Variants in TENM4 observed in about 807,000 individuals in gnomAD.
TENM4 encodes teneurin transmembrane protein 4.
TENM4 carries 82 observed loss-of-function variants against 243.3 expected under a neutral mutation model. The ratio of observed to expected loss-of-function variants is 0.34; its 90% CI spans 0.28 to 0.40. The LOEUF (loss-of-function observed/expected upper bound fraction) is 0.40, where lower values mean the gene tolerates loss of function less well. TENM4 is among the 10% of genes least tolerant of loss of function. The pLI is 1.00. For missense variants in TENM4, 3,138 were observed against 3,673.3 expected, an observed-to-expected ratio of 0.85 and a Z score of 3.77; for synonymous variants, 1,412 against 1,456.3, an observed-to-expected ratio of 0.97 and a Z score of 0.69.
At chr11:79,340,470 C>T (rs1340102382) in intron 1 of TENM4, among the ~76,000 whole-genome samples, 1 of 152,162 alleles carries the variant, frequency 6.6e-6, no homozygotes, top group South Asian at 2.1e-4. Flanking sequence ...ACTCTTGAGG[C>T]TGGCTGGACT....
At chr11:79,398,901 G>C (rs899738378) in intron 1 of TENM4, among the ~76,000 whole-genome samples, 2 of 151,936 alleles carry the variant, frequency 1.3e-5, no homozygotes, top group Non-Finnish European at 2.9e-5. Flanking sequence ...TGGAACTGAG[G>C]CTTGAAGAAT....
chr11:79,316,241 T>C (rs993777679), intron 1 of TENM4, among the ~76,000 whole-genome samples: 3 of 150,634 alleles, frequency 2.0e-5, no homozygotes, highest in Non-Finnish European at 4.4e-5. Flanking sequence ...TGAGAACTGA[T>C]ATAAAAAAAA....
intron 27 of TENM4, among the ~76,000 whole-genome samples, chr11:78,706,164 G>A (rs190923485): frequency 1.4e-4 from 22 of 152,268 alleles, no homozygotes; most frequent in African/African-American, 5.1e-4. Context: ...GAAAAGAGAA[G>A]TTGTACTTAT....
chr11:78,823,522 G>A (rs1174158315), intron 12 of TENM4, among the ~76,000 whole-genome samples: 2 of 152,188 alleles, frequency 1.3e-5, no homozygotes, highest in Admixed American at 6.5e-5. Flanking sequence ...GGGCTGGTGA[G>A]GTCCTTAAGG....
In TENM4 at chr11:79,205,693, A is replaced by G. The variant is rs559281912; in HGVS notation, c.-163+10115T>C. ...TAGCATTCCATAGCATGAATGGACC[A>G]CAGTTCACTGTTCACCTGTTGAAGG... On this transcript the variant is annotated intron_variant, in intron 3 of 33. Transcript: ENST00000278550. Among the ~76,000 whole-genome samples the G allele has an allele frequency of 2.0e-5, 3 of 152,374 alleles. No homozygotes were observed. The South Asian group carries it at 6.2e-4, about 32-fold the overall frequency.
chr11:78,658,930 G>GTAGAGCTA, intron 33 of TENM4, 114 bp from the exon 34 acceptor site: 1 of 1,241,996 alleles, frequency 8.1e-7, no homozygotes, highest in Non-Finnish European at 1.1e-6. Flanking sequence ...TTAACCTGCG[G>GTAGAGCTA]CATGTAGCTC....
At chr11:79,283,119 C>T (rs1482151230) in intron 2 of TENM4, among the ~76,000 whole-genome samples, 3 of 151,710 alleles carry the variant, frequency 2.0e-5, no homozygotes, top group East Asian at 3.9e-4. Flanking sequence ...AAAACTCTTA[C>T]AAGAAATACA....
intron 3 of TENM4, among the ~76,000 whole-genome samples, chr11:79,207,437 A>G (rs1863870436): frequency 6.6e-6 from 1 of 152,222 alleles, no homozygotes; most frequent in African/African-American, 2.4e-5. Flanking sequence ...TCAATTATAC[A>G]CATAAAGTTC....
At chr11:79,047,687 T>C (rs2136925197) in intron 6 of TENM4, among the ~76,000 whole-genome samples, 1 of 152,220 alleles carries the variant, frequency 6.6e-6, no homozygotes, top group African/African-American at 2.4e-5. Context: ...CCTAGGGTAG[T>C]GGGAGGATGC....
At chr11:78,995,336 G>A (rs1275233301) in intron 6 of TENM4, among the ~76,000 whole-genome samples, 1 of 152,112 alleles carries the variant, frequency 6.6e-6, no homozygotes, top group African/African-American at 2.4e-5. Context: ...GAGGGCAATG[G>A]GGGAGCCATG....
intron 4 of TENM4, among the ~76,000 whole-genome samples, chr11:79,090,458 G>A (rs1041357334): frequency 1.3e-5 from 2 of 152,260 alleles, no homozygotes; most frequent in African/African-American, 4.8e-5. Flanking sequence ...ATGGCAGCAA[G>A]TGAAGAGGGC....
At chr11:79,043,645 C>T (rs979564267) in intron 6 of TENM4, among the ~76,000 whole-genome samples, 3 of 152,104 alleles carry the variant, frequency 2.0e-5, no homozygotes, top group African/African-American at 7.2e-5. Context: ...AATACAGAAA[C>T]CTTATTTTTG....
In TENM4 at chr11:79,045,197, T is replaced by C. The variant is rs371551324; in HGVS notation, c.493+19541A>G. ...TGGTGAGAAAGTTGGCAGGAGCTGG[T>C]CAGGCAAGAATTGATTTCCTGAGTG... On this transcript the variant is annotated intron_variant, in intron 6 of 33. Transcript: ENST00000278550. 7.9e-5 allele frequency among the ~76,000 whole-genome samples: 12 copies of C among 152,226 alleles called. No individual in the cohort carries two copies. In the East Asian group the frequency reaches 2.3e-3, roughly 29 times the overall value.
chr11:78,752,726 A>G (rs1856218460), intron 19 of TENM4, among the ~76,000 whole-genome samples: 1 of 152,062 alleles, frequency 6.6e-6, no homozygotes. Context: ...GCTCCACTCT[A>G]ACAAGGATCC....
chr11:79,013,524 C>T (rs750087195), intron 6 of TENM4, among the ~76,000 whole-genome samples: 2 of 152,150 alleles, frequency 1.3e-5, no homozygotes, highest in Non-Finnish European at 2.9e-5. Context: ...GCAGGCCTGG[C>T]GCAGCCCAGC....
intron 1 of TENM4, among the ~76,000 whole-genome samples, chr11:79,342,589 TCAGTCCTGG>T (rs1857260230): frequency 6.6e-6 from 1 of 152,168 alleles, no homozygotes. Flanking sequence ...GCAGGGGTTC[TCAGTCCTGG>T]CTGCACAGAG....
chr11:79,129,141 C>T (rs577762833), intron 4 of TENM4, among the ~76,000 whole-genome samples: 181 of 152,272 alleles, frequency 1.2e-3, no homozygotes, highest in Middle Eastern at 3.4e-3. Context: ...AAGTTTCTGA[C>T]CTTACCTGGA....
intron 2 of TENM4, among the ~76,000 whole-genome samples, chr11:79,250,983 C>G (rs1855600205): frequency 6.6e-6 from 1 of 152,170 alleles, no homozygotes; most frequent in South Asian, 2.1e-4. Context: ...TTTTATGGAT[C>G]TCTCTTCCCA....
At chr11:79,366,597 A>G (rs1039272542) in intron 1 of TENM4, among the ~76,000 whole-genome samples, 1 of 152,172 alleles carries the variant, frequency 6.6e-6, no homozygotes, top group African/African-American at 2.4e-5. Context: ...AAGGTAATGT[A>G]ACCAATAGGT....
Sources: allele counts gnomAD v4.1 joint callset (sites outside exome capture counted in the v4.1 genomes callset), GRCh38; gene constraint gnomAD v4.1.1; transcripts MANE v1.5; gene names NCBI Gene and HGNC (gene_info 2026-07-23, HGNC 2026-07-21).